Variants in DDX59 observed in about 807,000 individuals in gnomAD.
DDX59 encodes the protein DEAD-box helicase 59, also known as probable ATP-dependent RNA helicase DDX59.
DDX59 carries 30 observed loss-of-function variants against 51.9 expected under a neutral mutation model. That is an observed-to-expected ratio of 0.58 (90% CI 0.43 to 0.78). The LOEUF (loss-of-function observed/expected upper bound fraction) is 0.78. Among genes scored for constraint, DDX59 ranks in the 30% least tolerant of loss-of-function variants. The pLI, the probability that DDX59 is intolerant of heterozygous loss-of-function variation, is 0.00. For synonymous variants in DDX59, 255 were observed against 253.3 expected, an observed-to-expected ratio of 1.01 and a Z score of -0.06; for missense variants, 672 against 730.8, an observed-to-expected ratio of 0.92 and a Z score of 0.93.
chr1:200,658,568 T>G lies in DDX59; in HGVS notation c.1062+459A>C, dbSNP rs564718620. ...AATTAGCCAGGCATGGTGATGTGTG[T>G]GCCTGTAGTCCCAGCTACTCAGGAG... On this transcript the variant is annotated intron_variant, in intron 4 of 7. Transcript: ENST00000331314. Among the ~76,000 whole-genome samples the G allele has an allele frequency of 8.5e-5, 13 of 152,204 alleles. No individual in the cohort carries two copies. In the South Asian group the frequency reaches 2.5e-3, roughly 29 times the overall value.
intron 5 of DDX59, among the ~76,000 whole-genome samples, chr1:200,649,487 C>T (rs142103938): frequency 3.5e-4 from 53 of 151,628 alleles, no homozygotes; most frequent in African/African-American, 1.2e-3. Flanking sequence ...AAATTAGCCA[C>T]GCATGGTGGC....
intron 1 of DDX59, among the ~76,000 whole-genome samples, chr1:200,667,062 C>T (rs1341888984): frequency 9.3e-5 from 14 of 151,318 alleles, no homozygotes; most frequent in Admixed American, 9.2e-4. Context: ...GAGCCGAGAT[C>T]GTGCCACTGC....
chr1:200,668,530 C>T (rs1662939276), intron 1 of DDX59, among the ~76,000 whole-genome samples: 1 of 152,086 alleles, frequency 6.6e-6, no homozygotes, highest in African/African-American at 2.4e-5. Context: ...CCCTGTATAT[C>T]GTGACTTACT....
At chr1:200,653,611 C>A (rs1042255600) in intron 4 of DDX59, among the ~76,000 whole-genome samples, 40 of 152,208 alleles carry the variant, frequency 2.6e-4, no homozygotes, top group African/African-American at 9.7e-4. Flanking sequence ...AGAATAAAAT[C>A]CAACTTCTAA....
intron 7 of DDX59, 121 bp downstream of exon 7, chr1:200,648,318 A>ATTACAGGT: frequency 7.4e-7 from 1 of 1,356,726 alleles, no homozygotes; most frequent in Non-Finnish European, 1.0e-6. Flanking sequence ...AAGTGCTGGG[A>ATTACAGGT]TTACAGGTGT....
In DDX59 at chr1:200,644,450, CTT is replaced by C. The variant is rs1661167957; in HGVS notation, c.1662_1663del (p.Arg555ThrfsTer28). ...TCGTTTTGCAATATCCCAGAAGAGTCTTTTTGAATTATTATTGATGAAAGTAA... is the reference window on the plus strand; with the variant it reads ...TCGTTTTGCAATATCCCAGAAGAGTCTTTGAATTATTATTGATGAAAGTAA... On this transcript the variant is annotated frameshift_variant, in exon 8 of 8. Transcript: ENST00000331314. LOFTEE classifies it high-confidence loss of function. 2 of 1,609,692 alleles carry C rather than the reference CTT, an allele frequency of 1.2e-6. No homozygotes were observed. The highest frequency in any genetic ancestry group is 1.7e-6 in the Non-Finnish European group (2 of 1,178,086).
At chr1:200,653,070 C>T (rs1661771536) in intron 4 of DDX59, among the ~76,000 whole-genome samples, 1 of 152,216 alleles carries the variant, frequency 6.6e-6, no homozygotes, top group African/African-American at 2.4e-5. Flanking sequence ...TGGGGAGCCC[C>T]ATGGGCTGGG....
chr1:200,643,469 C>T (rs1661110102), downstream of DDX59, among the ~76,000 whole-genome samples: 1 of 151,710 alleles, frequency 6.6e-6, no homozygotes, highest in Admixed American at 6.6e-5. Context: ...CAGTGAAACC[C>T]CATCTCTACT....
chr1:200,658,425 T>C (rs1176848282), intron 4 of DDX59, among the ~76,000 whole-genome samples: 3 of 151,626 alleles, frequency 2.0e-5, no homozygotes, highest in Non-Finnish European at 4.4e-5. Flanking sequence ...CTGGGCATGG[T>C]GGTTCATGCC....
intron 7 of DDX59, among the ~76,000 whole-genome samples, chr1:200,647,478 T>G (rs189716682): frequency 6.6e-6 from 1 of 152,160 alleles, no homozygotes; most frequent in Non-Finnish European, 1.5e-5. Flanking sequence ...TCTCACTGAT[T>G]ATATGTTCAC....
At chr1:200,652,086 G>A (rs1017593144) in intron 4 of DDX59, among the ~76,000 whole-genome samples, 2 of 151,612 alleles carry the variant, frequency 1.3e-5, no homozygotes, top group African/African-American at 2.4e-5. Flanking sequence ...TGGGAACAAT[G>A]AGGTATTTAA....
At chr1:200,667,515 T>C (rs1662847532) in intron 1 of DDX59, among the ~76,000 whole-genome samples, 1 of 152,206 alleles carries the variant, frequency 6.6e-6, no homozygotes, top group African/African-American at 2.4e-5. Flanking sequence ...CACATAGCAG[T>C]GTTGTAACAC....
intron 4 of DDX59, among the ~76,000 whole-genome samples, chr1:200,657,249 C>A (rs1293129376): frequency 4.3e-4 from 33 of 77,638 alleles, no homozygotes; most frequent in African/African-American, 1.1e-3. Flanking sequence ...AAACTGTCTA[C>A]AAAAAAAAAA....
rs937729066 is a variant in DDX59, at chr1:200,645,109, G to C, written c.1597-592C>G. On this transcript the variant is annotated intron_variant, in intron 7 of 7. Coordinates refer to ENST00000331314, the MANE Select transcript of DDX59 (RefSeq NM_001031725.6). ...TGAAACTTGTGTTTTAGTTATACCTGTATGGGTGGTGTTGGGGGTAATGAC... is the reference window on the plus strand; with the variant it reads ...TGAAACTTGTGTTTTAGTTATACCTCTATGGGTGGTGTTGGGGGTAATGAC... 2.0e-4 allele frequency among the ~76,000 whole-genome samples: 31 copies of C among 152,208 alleles called. No homozygotes were observed. In the East Asian group the frequency reaches 6.0e-3, roughly 29 times the overall value.
chr1:200,667,758 AG>A (rs1445095704), intron 1 of DDX59, among the ~76,000 whole-genome samples: 6 of 152,200 alleles, frequency 3.9e-5, no homozygotes, highest in Non-Finnish European at 8.8e-5. Flanking sequence ...TGCCAAGCAC[AG>A]TGCTTCACCT....
intron 4 of DDX59, among the ~76,000 whole-genome samples, chr1:200,656,885 C>A (rs1446809804): frequency 2.0e-5 from 3 of 152,092 alleles, no homozygotes; most frequent in Non-Finnish European, 4.4e-5. Context: ...AAGACCCCGT[C>A]TCTAAACAAA....
chr1:200,648,997 C>A, intron 6 of DDX59, 77 bp downstream of exon 6: 1 of 1,374,304 alleles, frequency 7.3e-7, no homozygotes, highest in Non-Finnish European at 9.7e-7. Flanking sequence ...TAAAAACCAG[C>A]TGTAATATGG....
intron 7 of DDX59, among the ~76,000 whole-genome samples, 193 bp from the exon 8 acceptor site, chr1:200,644,710 C>T (rs1278152910): frequency 3.9e-5 from 6 of 151,994 alleles, no homozygotes; most frequent in Non-Finnish European, 7.4e-5. Flanking sequence ...GCCTGGCCAA[C>T]GTGGCAAAAT....
At chr1:200,655,753 T>C (rs545658791) in intron 4 of DDX59, among the ~76,000 whole-genome samples, 1 of 152,320 alleles carries the variant, frequency 6.6e-6, no homozygotes, top group Non-Finnish European at 1.5e-5. Context: ...AAGCCATTTT[T>C]TGCAGTGCTA....
Sources: allele counts gnomAD v4.1 joint callset (sites outside exome capture counted in the v4.1 genomes callset), GRCh38; gene constraint gnomAD v4.1.1; transcripts MANE v1.5; gene names NCBI Gene and HGNC (gene_info 2026-07-23, HGNC 2026-07-21).